Variants in PLEKHG1 observed in about 807,000 individuals in gnomAD.
The protein encoded by PLEKHG1 is pleckstrin homology domain-containing family G member 1.
In PLEKHG1, 44 loss-of-function variants were observed where a neutral mutation model predicts 100.8. That is an observed-to-expected ratio of 0.44 (90% CI 0.34 to 0.56). The LOEUF is 0.56. Among genes scored for constraint, PLEKHG1 ranks in the 20% least tolerant of loss-of-function variants. The pLI is 0.01. For missense variants in PLEKHG1, 1,545 were observed against 1,720.9 expected, an observed-to-expected ratio of 0.90 and a Z score of 1.81; for synonymous variants, 640 against 662.5, an observed-to-expected ratio of 0.97 and a Z score of 0.52.
chr6:150,795,936 T>C (rs1204088993), intron 5 of PLEKHG1, 34 bp downstream of exon 6: 16 of 1,364,466 alleles, frequency 1.2e-5, no homozygotes, highest in Middle Eastern at 1.8e-4. Context: ...AGTACTTTTG[T>C]TCACTTTCAC....
At chr6:150,639,808 A>G (rs1015871945) in intron 2 of PLEKHG1, among the ~76,000 whole-genome samples, 3 of 152,210 alleles carry the variant, frequency 2.0e-5, no homozygotes, top group African/African-American at 4.8e-5. Context: ...TCGGAAAGCA[A>G]TGGAGCCATG....
chr6:150,781,789 T>G (rs1207493655), intron 3 of PLEKHG1, among the ~76,000 whole-genome samples: 1 of 151,642 alleles, frequency 6.6e-6, no homozygotes, highest in South Asian at 2.1e-4. Context: ...TTTTTTTTTT[T>G]GAGATGGAGT....
rs968314290 is a variant in PLEKHG1 at position 150,630,847 on chromosome 6, G to A, written c.-203-7233G>A. On this transcript the variant is annotated intron_variant, in intron 1 of 3. Transcript: ENST00000367326. The stretch of plus-strand genomic sequence containing the variant: ...TTGGAAGATTCGGCCCAGGAAATGG[G>A]GAAGGAGCTGCCAGCAAGGAAGGAA... Among the ~76,000 whole-genome samples the A allele has an allele frequency of 1.7e-4, 26 of 152,286 alleles. No homozygotes were observed. The South Asian group carries it at 2.5e-3, about 15-fold the overall frequency.
intron 2 of PLEKHG1, among the ~76,000 whole-genome samples, chr6:150,734,500 G>A (rs1342177446): frequency 1.3e-5 from 2 of 152,148 alleles, no homozygotes; most frequent in Admixed American, 6.5e-5. Flanking sequence ...ACTGGCATCC[G>A]GGAGCTTCCA....
At chr6:150,806,486 A>T (rs1787111513) in intron 7 of PLEKHG1, among the ~76,000 whole-genome samples, 1 of 151,950 alleles carries the variant, frequency 6.6e-6, no homozygotes, top group Non-Finnish European at 1.5e-5. Flanking sequence ...GGAGTTCGAG[A>T]TCAGCCTGGC....
intron 2 of PLEKHG1, among the ~76,000 whole-genome samples, chr6:150,642,109 G>A (rs1778294751): frequency 1.3e-5 from 2 of 151,704 alleles, no homozygotes; most frequent in African/African-American, 4.8e-5. Context: ...TTAAATAAGT[G>A]GCACAAGAAA....
At chr6:150,840,372 A>G in exon 16 of PLEKHG1, 2 of 1,614,220 alleles carry the variant, frequency 1.2e-6, no homozygotes, top group African/African-American at 1.3e-5. Context: ...GTCTTTACAC[A>G]GAAGTTCAAG....
chr6:150,796,342 T>C (rs1483393870), intron 5 of PLEKHG1, among the ~76,000 whole-genome samples: 1 of 152,170 alleles, frequency 6.6e-6, no homozygotes, highest in Non-Finnish European at 1.5e-5. Context: ...ATAAGTTTAA[T>C]GGAGTTCAGA....
chr6:150,784,676 G>T (rs1175071209), intron 3 of PLEKHG1, among the ~76,000 whole-genome samples: 3 of 151,978 alleles, frequency 2.0e-5, no homozygotes, highest in African/African-American at 7.3e-5. Flanking sequence ...GCAAAGCATA[G>T]AATATCTGAT....
At chr6:150,612,838 T>C (rs1776909782) in intron 1 of PLEKHG1, among the ~76,000 whole-genome samples, 1 of 152,206 alleles carries the variant, frequency 6.6e-6, no homozygotes, top group Admixed American at 6.5e-5. Context: ...TGATCCATGC[T>C]CCCTCTTGGT....
chr6:150,809,804 G>A (rs1787381124), intron 10 of PLEKHG1, 70 bp downstream of exon 11: 1 of 1,177,318 alleles, frequency 8.5e-7, no homozygotes, highest in Non-Finnish European at 1.2e-6. Flanking sequence ...GGGAGGTGGA[G>A]GTTACTGTGA....
chr6:150,679,125 C>A (rs377612294), intron 3 of PLEKHG1, among the ~76,000 whole-genome samples: 1 of 152,106 alleles, frequency 6.6e-6, no homozygotes, highest in Non-Finnish European at 1.5e-5. Flanking sequence ...CCTTGCCTTG[C>A]TTTGATATAG....
At chr6:150,781,884 G>T (rs1045523809) in intron 3 of PLEKHG1, among the ~76,000 whole-genome samples, 1 of 150,752 alleles carries the variant, frequency 6.6e-6, no homozygotes, top group African/African-American at 2.4e-5. Context: ...CCATTCTCCT[G>T]CCTCAGCCTC....
intron 6 of PLEKHG1, among the ~76,000 whole-genome samples, chr6:150,804,175 A>ATATATATATATTTT (rs1173213745): frequency 2.3e-5 from 1 of 43,174 alleles, no homozygotes; most frequent in African/African-American, 9.9e-5. Context: ...ATATATATAT[A>ATATATATATATTTT]TTTTTTTTTT....
chr6:150,839,490 A>G (rs924419485), intron 15 of PLEKHG1, among the ~76,000 whole-genome samples: 2 of 152,164 alleles, frequency 1.3e-5, no homozygotes, highest in Admixed American at 1.3e-4. Context: ...TCTTACTTTT[A>G]TGATGCATGT....
At chr6:150,840,365 T>C in exon 16 of PLEKHG1, 2 of 1,614,178 alleles carry the variant, frequency 1.2e-6, no homozygotes, top group Non-Finnish European at 8.5e-7. Flanking sequence ...AGCTGCTGTC[T>C]TTACACAGAA....
intron 2 of PLEKHG1, among the ~76,000 whole-genome samples, chr6:150,738,842 A>G (rs956604766): frequency 9.2e-5 from 14 of 152,208 alleles, no homozygotes; most frequent in African/African-American, 3.4e-4. Context: ...TCTATTTTAT[A>G]TATGCCCCTA....
chr6:150,793,143 A>G (rs1399607673), intron 4 of PLEKHG1, among the ~76,000 whole-genome samples: 1 of 152,120 alleles, frequency 6.6e-6, no homozygotes, highest in Admixed American at 6.6e-5. Context: ...TAGCTTATCC[A>G]TGTAATCTCC....
chr6:150,756,008 A>G (rs1253571016), intron 2 of PLEKHG1, among the ~76,000 whole-genome samples: 4 of 152,172 alleles, frequency 2.6e-5, no homozygotes, highest in Admixed American at 6.5e-5. Flanking sequence ...GTGGAAATTC[A>G]TATCTCTTGA....
Sources: allele counts gnomAD v4.1 joint callset (sites outside exome capture counted in the v4.1 genomes callset), GRCh38; gene constraint gnomAD v4.1.1; transcripts MANE v1.5; gene names NCBI Gene and HGNC (gene_info 2026-07-23, HGNC 2026-07-21).